KAT6B: variants seen among roughly 807,000 people sequenced by gnomAD.
The protein encoded by KAT6B is lysine acetyltransferase 6B.
Under a neutral mutation model 187.5 loss-of-function variants are expected in KAT6B, and 10 were observed. That is an observed-to-expected ratio of 0.05 (90% CI 0.03 to 0.09). The LOEUF (loss-of-function observed/expected upper bound fraction) is 0.09. Ranked by LOEUF, KAT6B falls within the 10% of genes least tolerant of loss-of-function variation. The pLI, the probability that KAT6B is intolerant of heterozygous loss-of-function variation, is 1.00. For synonymous variants in KAT6B, 861 were observed against 926.8 expected (o/e 0.93, Z 1.29); for missense variants, 1,952 against 2,558.9 (o/e 0.76, Z 5.12).
rs551800759 is a variant in KAT6B, at chr10:74,851,156, G to A, written c.621+7678G>A. Among the ~76,000 whole-genome samples, 5 of 151,672 alleles carry A rather than the reference G, an allele frequency of 3.3e-5. No homozygotes were observed. The South Asian group carries it at 8.4e-4, about 25-fold the overall frequency. The stretch of plus-strand genomic sequence containing the variant: ...AGAGTCTTGCTCTGTTGCCCAGGCC[G>A]GAGTGCAGTGGCGCAATCTCGGCTC... On this transcript the variant is annotated intron_variant, in intron 3 of 17. Transcript: ENST00000287239.
Position 75,022,123 on chromosome 10 carries a change from AGAGGAT to A in KAT6B, c.3267_3272del (p.Asp1090_Glu1091del), listed in dbSNP as rs1564626372. The A allele has an allele frequency of 6.2e-7, 1 of 1,606,078 alleles. No individual in the cohort carries two copies. The highest frequency in any genetic ancestry group is 1.4e-5 in the African/African-American group (1 of 70,414). ...AGGAAGAAGAGGAGGAAGAAGAGGA[AGAGGAT>A]GAAGAGGAGGAAGAAGAGGAAGAAG... On this transcript the variant is annotated inframe_deletion, in exon 16 of 18. Coordinates refer to ENST00000287239, the MANE Select transcript of KAT6B (RefSeq NM_012330.4).
At chr10:74,936,124 C>T (rs116942495) in intron 3 of KAT6B, among the ~76,000 whole-genome samples, 21 of 152,066 alleles carry the variant, frequency 1.4e-4, no homozygotes, top group East Asian at 9.6e-4. Flanking sequence ...AATTTTGGGC[C>T]GGGTGCGGTG....
At chr10:75,027,181 A>G (rs552126921) in intron 17 of KAT6B, among the ~76,000 whole-genome samples, 3 of 152,252 alleles carry the variant, frequency 2.0e-5, no homozygotes, top group Admixed American at 6.5e-5. Flanking sequence ...TGGCATGGCT[A>G]TTACCTGCCA....
At chr10:74,878,356 T>C (rs1386340958) in intron 3 of KAT6B, among the ~76,000 whole-genome samples, 1 of 152,144 alleles carries the variant, frequency 6.6e-6, no homozygotes, top group Non-Finnish European at 1.5e-5. Flanking sequence ...ATACAACTAA[T>C]GCTAATGTTG....
intron 3 of KAT6B, among the ~76,000 whole-genome samples, chr10:74,950,257 G>C (rs577533423): frequency 1.1e-4 from 16 of 152,186 alleles, no homozygotes; most frequent in Non-Finnish European, 1.9e-4. Context: ...AAAACAAAAG[G>C]GTACAGGAGT....
At chr10:74,876,805 C>T (rs1015040279) in intron 3 of KAT6B, among the ~76,000 whole-genome samples, 3 of 151,696 alleles carry the variant, frequency 2.0e-5, no homozygotes, top group Non-Finnish European at 2.9e-5. Flanking sequence ...CTCAGCTACT[C>T]GGGAGGCTGA....
At chr10:75,001,358 T>G (rs1228258860) in intron 13 of KAT6B, among the ~76,000 whole-genome samples, 1 of 152,154 alleles carries the variant, frequency 6.6e-6, no homozygotes, top group African/African-American at 2.4e-5. Context: ...GAAAAGCATC[T>G]TCTCTTTGGT....
chr10:74,951,192 T>C (rs1161458141), intron 3 of KAT6B, among the ~76,000 whole-genome samples: 2 of 151,888 alleles, frequency 1.3e-5, no homozygotes, highest in Non-Finnish European at 2.9e-5. Flanking sequence ...TGCAGTGGCA[T>C]GATCTTGGCT....
intron 8 of KAT6B, 110 bp from the exon 9 acceptor site, chr10:74,977,206 A>C: frequency 8.5e-7 from 1 of 1,177,472 alleles, no homozygotes; most frequent in Non-Finnish European, 1.2e-6. Context: ...AAAGCTTTAA[A>C]AAAAATCCCT....
At chr10:74,932,164 G>A (rs938733372) in intron 3 of KAT6B, among the ~76,000 whole-genome samples, 6 of 152,156 alleles carry the variant, frequency 3.9e-5, no homozygotes, top group Admixed American at 6.5e-5. Flanking sequence ...AGTAGTGGGC[G>A]CTCAAAAAAT....
chr10:74,850,149 A>G (rs1017220163), intron 3 of KAT6B, among the ~76,000 whole-genome samples: 1 of 152,108 alleles, frequency 6.6e-6, no homozygotes, highest in African/African-American at 2.4e-5. Context: ...CGTGTTAGCC[A>G]GGATGGTCTC....
intron 9 of KAT6B, 28 bp downstream of exon 9, chr10:74,977,465 G>T: frequency 6.2e-7 from 1 of 1,612,420 alleles, no homozygotes; most frequent in South Asian, 1.1e-5. Context: ...CATTGTAGTA[G>T]CAAGTATAAG....
intron 10 of KAT6B, among the ~76,000 whole-genome samples, chr10:74,981,343 C>A (rs1842503504): frequency 7.1e-6 from 1 of 141,538 alleles, no homozygotes; most frequent in Non-Finnish European, 1.5e-5. Flanking sequence ...TCCTTCCTTT[C>A]TTCCTTTCTT....
chr10:74,913,195 C>G (rs1847374932), intron 3 of KAT6B, among the ~76,000 whole-genome samples: 1 of 152,074 alleles, frequency 6.6e-6, no homozygotes, highest in Non-Finnish European at 1.5e-5. Context: ...ATTAAGCATT[C>G]CCTTTGTAAA....
chr10:74,939,816 T>C (rs1189566805), intron 3 of KAT6B, among the ~76,000 whole-genome samples: 1 of 152,256 alleles, frequency 6.6e-6, no homozygotes, highest in Non-Finnish European at 1.5e-5. Context: ...TGATACAACC[T>C]GTCGCAATTT....
chr10:74,894,959 T>C (rs1179850894), intron 3 of KAT6B, among the ~76,000 whole-genome samples: 1 of 152,186 alleles, frequency 6.6e-6, no homozygotes, highest in Non-Finnish European at 1.5e-5. Flanking sequence ...TTTTTAATTC[T>C]TTGAGGAGCC....
At chr10:74,892,918 G>A (rs1019471285) in intron 3 of KAT6B, among the ~76,000 whole-genome samples, 1 of 152,184 alleles carries the variant, frequency 6.6e-6, no homozygotes, top group African/African-American at 2.4e-5. Context: ...CTGCCCCTGG[G>A]GACAGTGTAT....
intron 6 of KAT6B, 107 bp from the exon 7 acceptor site, chr10:74,972,400 C>T: frequency 2.5e-6 from 2 of 800,450 alleles, no homozygotes; most frequent in Non-Finnish European, 4.0e-6. Flanking sequence ...GAGTAAAGTT[C>T]AGCATACAGG....
intron 3 of KAT6B, among the ~76,000 whole-genome samples, chr10:74,902,896 A>G (rs1327663918): frequency 1.3e-5 from 2 of 152,094 alleles, no homozygotes; most frequent in Non-Finnish European, 2.9e-5. Context: ...TACTTGACAT[A>G]TTGTCTCATA....
Sources: gnomAD v4.1 joint callset for allele counts (sites outside exome capture counted in the v4.1 genomes callset) on GRCh38, gnomAD v4.1.1 for gene constraint, MANE v1.5 for transcripts, NCBI Gene and HGNC (gene_info 2026-07-23, HGNC 2026-07-21) for gene names.